Variants in RBPMS observed in about 807,000 individuals in gnomAD.
RBPMS encodes the protein RNA binding protein, mRNA processing factor.
RBPMS carries 7 observed loss-of-function variants against 26.8 expected under a neutral mutation model. The ratio of observed to expected loss-of-function variants is 0.26; its 90% CI spans 0.15 to 0.49. The LOEUF (loss-of-function observed/expected upper bound fraction) is 0.49, where lower values mean the gene tolerates loss of function less well. Ranked by LOEUF, RBPMS falls within the 20% of genes least tolerant of loss-of-function variation. The pLI is 0.98. For missense variants in RBPMS, 186 were observed against 250.0 expected (o/e 0.74, Z 1.73); for synonymous variants, 96 against 93.3 (o/e 1.03, Z -0.17).
intron 5 of RBPMS, among the ~76,000 whole-genome samples, chr8:30,527,312 G>A (rs913726538): frequency 8.5e-5 from 13 of 152,172 alleles, no homozygotes; most frequent in East Asian, 3.9e-4. Flanking sequence ...CCTTCCTCTC[G>A]TCCCTAATCA....
intron 1 of RBPMS, among the ~76,000 whole-genome samples, chr8:30,424,389 GT>G (rs1339801272): frequency 1.3e-5 from 2 of 152,214 alleles, no homozygotes; most frequent in African/African-American, 4.8e-5. Flanking sequence ...CAGGTGGAAA[GT>G]TGCTATCATT....
chr8:30,487,942 GA>G (rs1455382642), intron 4 of RBPMS, among the ~76,000 whole-genome samples: 1 of 152,002 alleles, frequency 6.6e-6, no homozygotes, highest in African/African-American at 2.4e-5. Context: ...GGATATATAA[GA>G]TTTTTTTTTT....
At chr8:30,520,635 G>C (rs1585747156) in intron 5 of RBPMS, among the ~76,000 whole-genome samples, 1 of 152,036 alleles carries the variant, frequency 6.6e-6, no homozygotes, top group African/African-American at 2.4e-5. Flanking sequence ...ATCACTGTTA[G>C]AGTATAATGC....
At chr8:30,474,908 C>T (rs1817529687) in intron 2 of RBPMS, 52 bp downstream of exon 2, 1 of 1,181,510 alleles carries the variant, frequency 8.5e-7, no homozygotes, top group African/African-American at 1.5e-5. Context: ...AGTCTGTATG[C>T]TTTCTGGGAG....
Position 30,554,335 on chromosome 8 carries a change from C to T in RBPMS, c.529-4552C>T, listed in dbSNP as rs564264522. On this transcript the variant is annotated intron_variant, in intron 6 of 8. Transcript: ENST00000397323. ...GAAGGGACCTTCCAGACCAGCATTT[C>T]TCAACACCCACAGGGATTCACAGCT... Among the ~76,000 whole-genome samples, 9 of 152,344 alleles carry T rather than the reference C, an allele frequency of 5.9e-5. No individual in the cohort carries two copies. In the South Asian group the frequency reaches 1.9e-3, roughly 32 times the overall value.
intron 5 of RBPMS, among the ~76,000 whole-genome samples, chr8:30,508,766 G>A (rs180940549): frequency 1.3e-5 from 2 of 152,156 alleles, no homozygotes; most frequent in African/African-American, 4.8e-5. Context: ...TGATTGGGAT[G>A]TGATAAAATG....
In RBPMS at chr8:30,499,051, G is replaced by A. The variant is rs1044825620; in HGVS notation, c.247-5235G>A. 2.0e-5 allele frequency among the ~76,000 whole-genome samples: 3 copies of A among 152,166 alleles called. No homozygotes were observed. The East Asian group carries it at 5.8e-4, about 29-fold the overall frequency. ...CATAGAGCTAAATATAAGTCTGTAAGTCATTACTGATGTAAATAATTAACA... is the reference window on the plus strand; with the variant it reads ...CATAGAGCTAAATATAAGTCTGTAAATCATTACTGATGTAAATAATTAACA... On this transcript the variant is annotated intron_variant, in intron 4 of 8. Coordinates refer to ENST00000397323, the MANE Select transcript of RBPMS (RefSeq NM_001008710.3).
At chr8:30,428,949 C>G (rs1161872614) in intron 1 of RBPMS, among the ~76,000 whole-genome samples, 1 of 152,076 alleles carries the variant, frequency 6.6e-6, no homozygotes, top group East Asian at 1.9e-4. Context: ...ACATGCAAAG[C>G]ACATGGGAAT....
rs541138288 is a variant in RBPMS, at chr8:30,521,236, T to G, written c.397+16800T>G. Among the ~76,000 whole-genome samples the G allele has an allele frequency of 1.2e-4, 18 of 152,352 alleles. No homozygotes were observed. The East Asian group carries it at 3.1e-3, about 26-fold the overall frequency. On this transcript the variant is annotated intron_variant, in intron 5 of 8. Coordinates refer to ENST00000397323, the MANE Select transcript of RBPMS (RefSeq NM_001008710.3). ...ACCTTGGTCCCTGAAATGGAATGTA[T>G]AGACAGGAAGACAGTGATATGGGTG...
At chr8:30,516,173 A>G (rs1194227368) in intron 5 of RBPMS, among the ~76,000 whole-genome samples, 1 of 152,190 alleles carries the variant, frequency 6.6e-6, no homozygotes, top group Non-Finnish European at 1.5e-5. Context: ...TGAGGTCAGT[A>G]GTTCAAGACC....
chr8:30,449,890 G>T (rs1158739590), intron 1 of RBPMS, among the ~76,000 whole-genome samples: 3 of 152,180 alleles, frequency 2.0e-5, no homozygotes, highest in Non-Finnish European at 4.4e-5. Context: ...AGATTCTACA[G>T]TTTTATAGTT....
chr8:30,426,390 T>G (rs910621729), intron 1 of RBPMS, among the ~76,000 whole-genome samples: 2 of 152,222 alleles, frequency 1.3e-5, no homozygotes, highest in Non-Finnish European at 2.9e-5. Context: ...TGGATCCAGC[T>G]TCCTGCATTT....
At chr8:30,567,897 C>G (rs1585913239) in intron 8 of RBPMS, among the ~76,000 whole-genome samples, 1 of 152,162 alleles carries the variant, frequency 6.6e-6, no homozygotes, top group Admixed American at 6.5e-5. Flanking sequence ...TGGGGCCTTC[C>G]CTGGGTTACA....
chr8:30,564,936 A>G (rs978316246), intron 7 of RBPMS: 1 of 152,046 alleles, frequency 6.6e-6, no homozygotes. Flanking sequence ...CCAGGATCCC[A>G]GTACTTGTAT....
chr8:30,504,509 C>T, intron 5 of RBPMS, 73 bp downstream of exon 5: 2 of 1,453,120 alleles, frequency 1.4e-6, no homozygotes, highest in South Asian at 1.3e-5. Context: ...TGAGGTTACA[C>T]CATGGGACAT....
At chr8:30,562,099 G>C (rs1827540629) in intron 7 of RBPMS, 1 of 931,940 alleles carries the variant, frequency 1.1e-6, no homozygotes, top group Non-Finnish European at 1.3e-6. Context: ...GGGAGGCTGA[G>C]GCAGGCGGAT....
At chr8:30,549,494 C>G (rs775887662) in intron 6 of RBPMS, 1 of 1,610,966 alleles carries the variant, frequency 6.2e-7, no homozygotes, top group South Asian at 1.1e-5. Flanking sequence ...TCCTCTCAAC[C>G]TGCAGCTCTG....
chr8:30,489,902 C>T (rs1043907564), intron 4 of RBPMS, among the ~76,000 whole-genome samples: 1 of 151,972 alleles, frequency 6.6e-6, no homozygotes, highest in African/African-American at 2.4e-5. Context: ...CCTCTGCCTC[C>T]CAGGTTCACA....
chr8:30,427,281 G>T (rs946349027), intron 1 of RBPMS, among the ~76,000 whole-genome samples: 3 of 152,180 alleles, frequency 2.0e-5, no homozygotes. Context: ...CTATAAAGGG[G>T]ACCCTGCTTT....
Sources: gnomAD v4.1 joint callset for allele counts (sites outside exome capture counted in the v4.1 genomes callset) on GRCh38, gnomAD v4.1.1 for gene constraint, MANE v1.5 for transcripts, NCBI Gene and HGNC (gene_info 2026-07-23, HGNC 2026-07-21) for gene names.